Variants in ATG2B observed in about 807,000 individuals in gnomAD.
ATG2B encodes the protein autophagy-related protein 2 homolog B.
In ATG2B, 121 loss-of-function variants were observed where a neutral mutation model predicts 241.3. That is an observed-to-expected ratio of 0.50 (90% CI 0.43 to 0.58). The LOEUF is 0.58. Among genes scored for constraint, ATG2B ranks in the 20% least tolerant of loss-of-function variants. ATG2B has a pLI of 0.00. For missense variants in ATG2B, 2,306 were observed against 2,491.6 expected, an observed-to-expected ratio of 0.93 and a Z score of 1.59; for synonymous variants, 858 against 876.6, an observed-to-expected ratio of 0.98 and a Z score of 0.37.
intron 4 of ATG2B, 63 bp from the exon 5 acceptor site, chr14:96,343,344 C>T: frequency 1.6e-6 from 2 of 1,221,810 alleles, no homozygotes; most frequent in South Asian, 1.8e-5. Context: ...CAGCATGGCA[C>T]ATGTATACAT....
Position 96,357,118 on chromosome 14 carries a change from T to G in ATG2B, c.162+5697A>C, listed in dbSNP as rs2139911749. On this transcript the variant is annotated intron_variant, in intron 1 of 41. Transcript: ENST00000359933. ...AAACTGCTTGTAACCACCATTAAAA[T>G]GACAAATGCAATAAACAATATTTAG... Among the ~76,000 whole-genome samples, 3 of 152,272 alleles carry G rather than the reference T, an allele frequency of 2.0e-5. 1 individual carries two copies. Among genetic ancestry groups the G allele is most frequent in the Middle Eastern group, 6.8e-3 (2 of 294 alleles).
At chr14:96,353,381 T>C (rs1888384726) in intron 1 of ATG2B, among the ~76,000 whole-genome samples, 1 of 152,130 alleles carries the variant, frequency 6.6e-6, no homozygotes, top group African/African-American at 2.4e-5. Flanking sequence ...TCCTAGCACT[T>C]TGAGAGGCCA....
rs1887157352 is a variant in ATG2B, at chr14:96,311,573, G to C, written c.3959C>G (p.Thr1320Ser). 6.2e-7 allele frequency: 1 copy of C among 1,609,640 alleles called. No individual in the cohort carries two copies. The highest frequency in any genetic ancestry group is 8.5e-7 in the Non-Finnish European group (1 of 1,177,314). Residue 1320 changes from threonine to serine, a missense_variant, in exon 27 of 42, where the codon ACT becomes AGT. Coordinates refer to ENST00000359933, the MANE Select transcript of ATG2B (RefSeq NM_018036.7). The part of the protein sequence containing the change: ...MDMGLLELTI[T>S]AVKSDSDGEQ... ...TCCATCAGAATCAGACTTCACTGCA[G>C]TTATGGTTAACTCCAAAAGCCCCAT...
chr14:96,303,271 G>C lies in ATG2B; in HGVS notation c.4843-16C>G. 4 of 1,524,172 alleles carry C rather than the reference G, an allele frequency of 2.6e-6. No homozygotes were observed. Among genetic ancestry groups the C allele is most frequent in the Non-Finnish European group, 3.5e-6 (4 of 1,130,968 alleles). 94.4% of individuals were successfully genotyped at this position (1,524,172 alleles called of 1,614,324 possible). A position where few individuals can be genotyped will look rare whatever the true frequency, so the allele number is the denominator to read the frequency against. ...GAAACTTCACCTTAACGGGTAAGGA[G>C]GAAGAACGCGGAACAGTTCTTTACA... is the stretch of plus-strand genomic sequence containing the variant. On this transcript the variant is annotated splice_polypyrimidine_tract_variant and intron_variant, in intron 32 of 41. Coordinates refer to ENST00000359933, the MANE Select transcript of ATG2B (RefSeq NM_018036.7).
intron 29 of ATG2B, among the ~76,000 whole-genome samples, chr14:96,308,559 T>C (rs868429388): frequency 3.3e-5 from 5 of 150,644 alleles, no homozygotes; most frequent in African/African-American, 1.2e-4. Context: ...TGCCTCAGCT[T>C]CCCAAAGTGC....
rs1888253791 is a variant in ATG2B, at chr14:96,349,341, C to A, written c.163-2000G>T. On this transcript the variant is annotated intron_variant, in intron 1 of 41. Coordinates refer to ENST00000359933, the MANE Select transcript of ATG2B (RefSeq NM_018036.7). The stretch of plus-strand genomic sequence containing the variant: ...ATAAAGAGGAGTAGGATCCAAAGAG[C>A]CTTGTAATGCATGTTAAAGCGTCTG... Among the ~76,000 whole-genome samples, 2 of 152,330 alleles carry A rather than the reference C, an allele frequency of 1.3e-5. 1 individual carries two copies. Among genetic ancestry groups the A allele is most frequent in the South Asian group, 4.1e-4 (2 of 4,830 alleles).
rs1887216594 is a variant in ATG2B, at chr14:96,313,405, G to A, written c.3673C>T (p.Pro1225Ser). The A allele has an allele frequency of 6.3e-7, 1 of 1,586,536 alleles. No homozygotes were observed. Among genetic ancestry groups the A allele is most frequent in the Non-Finnish European group, 8.5e-7 (1 of 1,170,260 alleles). ...GTTGGAGGATTATATCCCAAAACAGGTTCATCAGCAATATTCAAGAAGTAT... is the reference window on the plus strand; with the variant it reads ...GTTGGAGGATTATATCCCAAAACAGATTCATCAGCAATATTCAAGAAGTAT... Reference protein sequence around the residue: ...ILYFLNIADEPVLGYNPPTSF... With the variant: ...ILYFLNIADESVLGYNPPTSF... The change falls in exon 24 of 42, where the codon CCT becomes TCT. Residue 1225 changes from proline (P) to serine (S), a missense_variant. Physicochemically the swap from Pro to Ser is moderately conservative, Grantham distance 74. Coordinates refer to ENST00000359933, the MANE Select transcript of ATG2B (RefSeq NM_018036.7).
At position 96,325,923 on chromosome 14, in the gene ATG2B, C is replaced by T; in HGVS notation, c.2164-1G>A. 3 of 1,608,622 alleles carry T rather than the reference C, an allele frequency of 1.9e-6. No homozygotes were observed. The highest frequency in any genetic ancestry group is 2.5e-6 in the Non-Finnish European group (3 of 1,177,248). On this transcript the variant is annotated splice_acceptor_variant, in intron 14 of 41. Coordinates refer to ENST00000359933, the MANE Select transcript of ATG2B (RefSeq NM_018036.7). LOFTEE classifies it high-confidence loss of function. ...GAAACACTTCAGTGAAAGCCTTGTG[C>T]TAAAACACAAAACATCAAAAATATG...
At position 96,328,252 on chromosome 14, in the gene ATG2B, T is replaced by C. The variant is rs200822746; in HGVS notation, c.2163+95A>G. 1.0e-4 allele frequency: 78 copies of C among 781,990 alleles called. No individual in the cohort carries two copies. The East Asian group carries it at 2.1e-3, about 21-fold the overall frequency. 48.4% of individuals were successfully genotyped at this position (781,990 alleles called of 1,614,324 possible). ...ATAATGCTATTTTAATTATACTGTT[T>C]AATCTATTAAAAATACTTAAGTTCA... is the stretch of plus-strand genomic sequence containing the variant. On this transcript the variant is annotated intron_variant, in intron 14 of 41. Transcript: ENST00000359933.
intron 6 of ATG2B, among the ~76,000 whole-genome samples, chr14:96,335,741 G>A (rs1223660215): frequency 2.0e-5 from 3 of 152,132 alleles, no homozygotes; most frequent in African/African-American, 7.2e-5. Flanking sequence ...AAGGCTGAGA[G>A]GAGAGAGAAA....
At chr14:96,357,519 A>G (rs960641808) in intron 1 of ATG2B, among the ~76,000 whole-genome samples, 3 of 152,068 alleles carry the variant, frequency 2.0e-5, no homozygotes, top group Non-Finnish European at 4.4e-5. Context: ...ATATAGTAAA[A>G]CTTATTCTCT....
At chr14:96,324,311 T>C (rs1368826864) in intron 15 of ATG2B, 2 of 230,040 alleles carry the variant, frequency 8.7e-6, no homozygotes, top group East Asian at 2.4e-4. Flanking sequence ...AAAGTCTATA[T>C]AATCTACCAC....
chr14:96,341,593 T>A lies in ATG2B; in HGVS notation c.853A>T (p.Ile285Phe). Residue 285 changes from isoleucine to phenylalanine, a missense_variant, in exon 6 of 42, where the codon ATT (isoleucine) becomes TTT (phenylalanine). Physicochemically the swap from Ile to Phe is conservative, Grantham distance 21. Coordinates refer to ENST00000359933, the MANE Select transcript of ATG2B (RefSeq NM_018036.7). ...PEIAPSDPVQ[I>F]GRLIGRLELS... is the part of the protein sequence containing the mutation. ...TCCAACCTACCAATTAACCGTCCAA[T>A]CTGCACTGGGTCAGAAGGTGCTATC... The A allele has an allele frequency of 6.2e-7, 1 of 1,606,718 alleles. No homozygotes were observed. The highest frequency in any genetic ancestry group is 8.5e-7 in the Non-Finnish European group (1 of 1,175,484).
rs1398287855 is a variant in ATG2B, at chr14:96,343,978, C to A, written c.581+676G>T. 2.0e-5 allele frequency among the ~76,000 whole-genome samples: 3 copies of A among 152,224 alleles called. No individual in the cohort carries two copies. The East Asian group carries it at 5.8e-4, about 29-fold the overall frequency. Reference sequence around the variant, plus strand: ...ATCCATGTACGAAGTGTCTCTGGTGCTCATGCAGTGTACACGCTTCATCCT... The same window carrying A: ...ATCCATGTACGAAGTGTCTCTGGTGATCATGCAGTGTACACGCTTCATCCT... On this transcript the variant is annotated intron_variant, in intron 4 of 41. Coordinates refer to ENST00000359933, the MANE Select transcript of ATG2B (RefSeq NM_018036.7).
rs912158588 is a variant in ATG2B at position 96,290,317 on chromosome 14, G to A, written c.5856+119C>T. On this transcript the variant is annotated intron_variant, in intron 40 of 41. Coordinates refer to ENST00000359933, the MANE Select transcript of ATG2B (RefSeq NM_018036.7). The surrounding 1 kb of genome is among the most constrained non-coding windows in gnomAD (Gnocchi z 4.4). ...AACAAGCATGACATTAAATCACTAC[G>A]AATAAAGTATCTACTCACAACATTT... The A allele has an allele frequency of 7.4e-5, 100 of 1,347,504 alleles. No individual in the cohort carries two copies. The highest frequency in any genetic ancestry group is 2.0e-4 in the Middle Eastern group (1 of 5,110). 83.5% of individuals were successfully genotyped at this position (1,347,504 alleles called of 1,614,324 possible).
At chr14:96,318,795 A>G (rs146008957) in intron 18 of ATG2B, among the ~76,000 whole-genome samples, 294 of 152,212 alleles carry the variant, frequency 1.9e-3, no homozygotes, top group South Asian at 0.011. Flanking sequence ...AAACTTCACC[A>G]CGTCTTCTAG....
intron 38 of ATG2B, among the ~76,000 whole-genome samples, chr14:96,291,250 T>G (rs992634227): frequency 1.2e-4 from 19 of 152,346 alleles, no homozygotes; most frequent in African/African-American, 4.3e-4. Context: ...TTCTTATTTC[T>G]TGAACATCTT....
chr14:96,349,476 G>C (rs372967432), intron 1 of ATG2B, among the ~76,000 whole-genome samples: 1 of 152,208 alleles, frequency 6.6e-6, no homozygotes, highest in Non-Finnish European at 1.5e-5. Flanking sequence ...CAGCATGAAG[G>C]GAAGATGCCA....
intron 34 of ATG2B, among the ~76,000 whole-genome samples, chr14:96,296,371 G>T (rs1886640515): frequency 6.6e-6 from 1 of 151,990 alleles, no homozygotes; most frequent in African/African-American, 2.4e-5. Flanking sequence ...GCCCATTATA[G>T]GCAGCTTCGT....
Sources: gnomAD v4.1 joint callset for allele counts (sites outside exome capture counted in the v4.1 genomes callset) on GRCh38, gnomAD v4.1.1 for gene constraint, Gnocchi (gnomAD v3.1) non-coding constraint, MANE v1.5 for transcripts, NCBI Gene and HGNC (gene_info 2026-07-23, HGNC 2026-07-21) for gene names.